CPEB3: variants seen among roughly 807,000 people sequenced by gnomAD.
CPEB3 encodes cytoplasmic polyadenylation element-binding protein 3.
Under a neutral mutation model 67.2 loss-of-function variants are expected in CPEB3, and 20 were observed. The observed-to-expected ratio is 0.30, with a 90% CI of 0.21 to 0.43. CPEB3 has a LOEUF of 0.43. Ranked by LOEUF, CPEB3 falls within the 20% of genes least tolerant of loss-of-function variation. The probability of loss-of-function intolerance (pLI) is 1.00; values close to 1 mark genes in which losing one functional copy is unlikely to be tolerated. For synonymous variants in CPEB3, 376 were observed against 393.1 expected (o/e 0.96, Z 0.51); for missense variants, 746 against 968.6 (o/e 0.77, Z 3.05).
chr10:92,060,933 A>C (rs1842319138), intron 9 of CPEB3, among the ~76,000 whole-genome samples: 1 of 152,198 alleles, frequency 6.6e-6, no homozygotes, highest in South Asian at 2.1e-4. Flanking sequence ...AATTAGTACA[A>C]CCACCACGGA....
intron 6 of CPEB3, among the ~76,000 whole-genome samples, chr10:92,129,902 C>T (rs1254651082): frequency 6.6e-6 from 1 of 151,884 alleles, no homozygotes; most frequent in Non-Finnish European, 1.5e-5. Context: ...AAAAAATAAG[C>T]CAGGCATGGT....
chr10:92,103,563 C>T (rs1310358426), intron 7 of CPEB3, among the ~76,000 whole-genome samples: 1 of 152,220 alleles, frequency 6.6e-6, no homozygotes, highest in Non-Finnish European at 1.5e-5. Flanking sequence ...AGGCTACTGG[C>T]CACCAGTCAC....
Position 92,240,126 on chromosome 10 carries a change from T to C in CPEB3, c.225A>G (p.Ser75=), listed in dbSNP as rs1851766080. Residue 75 remains serine (S), a synonymous_variant, in exon 2 of 10, where the codon TCA becomes TCG. Coordinates refer to ENST00000265997, the MANE Select transcript of CPEB3 (RefSeq NM_014912.5). ...PNGPDKMQME[S]PLLPGLSFHQ... is the part of the protein sequence containing the mutation. ...GGAAACTCAAGCCTGGCAGGAGCGGTGATTCCATCTGCATCTTGTCCGGGC... is the reference window on the plus strand; with the variant it reads ...GGAAACTCAAGCCTGGCAGGAGCGGCGATTCCATCTGCATCTTGTCCGGGC... 1.3e-6 allele frequency: 2 copies of C among 1,572,082 alleles called. No homozygotes were observed. Among genetic ancestry groups the C allele is most frequent in the Non-Finnish European group, 1.7e-6 (2 of 1,158,436 alleles).
At chr10:92,177,766 G>C (rs1158971826) in intron 4 of CPEB3, among the ~76,000 whole-genome samples, 1 of 152,154 alleles carries the variant, frequency 6.6e-6, no homozygotes, top group Non-Finnish European at 1.5e-5. Flanking sequence ...CCAATTCAAA[G>C]CTGGAAAGTA....
chr10:92,245,316 T>G (rs1303727349), intron 1 of CPEB3, among the ~76,000 whole-genome samples: 1 of 151,934 alleles, frequency 6.6e-6, no homozygotes, highest in Non-Finnish European at 1.5e-5. Flanking sequence ...TTTTGTATTT[T>G]TAGTAGAGAC....
intron 8 of CPEB3, among the ~76,000 whole-genome samples, chr10:92,088,051 A>G (rs1843446784): frequency 6.6e-6 from 1 of 152,114 alleles, no homozygotes; most frequent in Non-Finnish European, 1.5e-5. Context: ...TTGGCTTGCT[A>G]TTGTCACCGA....
At chr10:92,191,396 AAAAAAAT>A (rs1206763555) in intron 3 of CPEB3, among the ~76,000 whole-genome samples, 1 of 151,158 alleles carries the variant, frequency 6.6e-6, no homozygotes, top group Non-Finnish European at 1.5e-5. Flanking sequence ...ATAAAAAATA[AAAAAAAT>A]AAAAAATAAA....
Position 92,099,691 on chromosome 10 carries a change from T to C in CPEB3, c.1573-7747A>G, listed in dbSNP as rs559777161. Among the ~76,000 whole-genome samples, 16 of 138,966 alleles carry C rather than the reference T, an allele frequency of 1.2e-4. No individual in the cohort carries two copies. The South Asian group carries it at 1.9e-3, about 16-fold the overall frequency. 91.2% of individuals were successfully genotyped at this position (138,966 alleles called of 152,430 possible). A position where few individuals can be genotyped will look rare whatever the true frequency, so the allele number is the denominator to read the frequency against. ...CAACATGGTGAAACCCCATTTCTAC[T>C]AAAAAAAAAAAAAATACAAAAAATT... On this transcript the variant is annotated intron_variant, in intron 7 of 9. Coordinates refer to ENST00000265997, the MANE Select transcript of CPEB3 (RefSeq NM_014912.5).
chr10:92,142,583 A>G (rs1238375530), intron 6 of CPEB3, among the ~76,000 whole-genome samples: 1 of 152,214 alleles, frequency 6.6e-6, no homozygotes, highest in Non-Finnish European at 1.5e-5. Flanking sequence ...TAATATACAG[A>G]TGTGGATAAA....
rs1215820391 is a variant in CPEB3, at chr10:92,115,046, G to A, written c.1454-3852C>T. Among the ~76,000 whole-genome samples, 11 of 152,328 alleles carry A rather than the reference G, an allele frequency of 7.2e-5. No homozygotes were observed. In the South Asian group the frequency reaches 2.3e-3, roughly 32 times the overall value. On this transcript the variant is annotated intron_variant, in intron 6 of 9. Coordinates refer to ENST00000265997, the MANE Select transcript of CPEB3 (RefSeq NM_014912.5). ...GCAGCTCCTCCTCTTCTCCGCCCCG[G>A]CGGCCGCGGGCGCGGGGGACGTCAG...
chr10:92,068,945 A>T (rs1362532047), intron 9 of CPEB3, among the ~76,000 whole-genome samples: 1 of 152,208 alleles, frequency 6.6e-6, no homozygotes, highest in East Asian at 1.9e-4. Context: ...GTCAAGTCAA[A>T]CATAGCTATA....
chr10:92,116,219 TGAA>T (rs2133551550), intron 6 of CPEB3, among the ~76,000 whole-genome samples: 1 of 147,992 alleles, frequency 6.8e-6, no homozygotes. Context: ...ACTATAATGA[TGAA>T]GATTTTAAGT....
intron 9 of CPEB3, among the ~76,000 whole-genome samples, chr10:92,068,419 AAC>A (rs1842635344): frequency 6.6e-6 from 1 of 152,200 alleles, no homozygotes; most frequent in Non-Finnish European, 1.5e-5. Context: ...CCCTGGCTAT[AAC>A]ACAACCTCAC....
At chr10:92,078,008 T>C (rs1054032373) in intron 9 of CPEB3, among the ~76,000 whole-genome samples, 1 of 152,184 alleles carries the variant, frequency 6.6e-6, no homozygotes, top group Non-Finnish European at 1.5e-5. Flanking sequence ...CAATATCACA[T>C]GGAAGTAGCA....
chr10:92,147,044 TTAGA>T (rs2133858007), intron 4 of CPEB3, among the ~76,000 whole-genome samples: 1 of 152,252 alleles, frequency 6.6e-6, no homozygotes, highest in Non-Finnish European at 1.5e-5. Context: ...ACTAGTAACA[TTAGA>T]TACTCAGAAA....
intron 6 of CPEB3, among the ~76,000 whole-genome samples, chr10:92,114,542 T>A (rs1169688779): frequency 6.6e-6 from 1 of 152,236 alleles, no homozygotes; most frequent in Non-Finnish European, 1.5e-5. Context: ...TATGTGATAA[T>A]AACAGCTAAT....
At chr10:92,113,146 G>C (rs180849933) in intron 6 of CPEB3, among the ~76,000 whole-genome samples, 10 of 152,346 alleles carry the variant, frequency 6.6e-5, no homozygotes, top group Non-Finnish European at 1.5e-4. Flanking sequence ...GCAAGAGAGA[G>C]ACTGCCAAGG....
At chr10:92,200,320 G>A (rs563797731) in intron 2 of CPEB3, among the ~76,000 whole-genome samples, 18 of 152,072 alleles carry the variant, frequency 1.2e-4, no homozygotes, top group Non-Finnish European at 1.9e-4. Context: ...CGAGGTGGGC[G>A]GATCACCTGA....
chr10:92,230,059 G>C (rs952074836), intron 2 of CPEB3, among the ~76,000 whole-genome samples: 6 of 151,064 alleles, frequency 4.0e-5, no homozygotes, highest in Non-Finnish European at 8.9e-5. Flanking sequence ...AAAAAAAAAA[G>C]AAATACTAGA....
Sources: gnomAD v4.1 joint callset for allele counts (sites outside exome capture counted in the v4.1 genomes callset) on GRCh38, gnomAD v4.1.1 for gene constraint, MANE v1.5 for transcripts, NCBI Gene and HGNC (gene_info 2026-07-23, HGNC 2026-07-21) for gene names.